Variants in NBAS observed in about 807,000 individuals in gnomAD.
The protein encoded by NBAS is NAG/BC035112 fusion.
Under a neutral mutation model 302.5 loss-of-function variants are expected in NBAS, and 219 were observed. The observed-to-expected ratio is 0.72, with a 90% CI of 0.65 to 0.81. The LOEUF (loss-of-function observed/expected upper bound fraction) is 0.81. Among genes scored for constraint, NBAS ranks in the 30% least tolerant of loss-of-function variants. NBAS has a pLI of 0.00. For missense variants in NBAS, 2,932 were observed against 2,841.6 expected, an observed-to-expected ratio of 1.03 and a Z score of -0.72; for synonymous variants, 1,118 against 1,021.6, an observed-to-expected ratio of 1.09 and a Z score of -1.80.
At chr2:14,930,573 ACCC>A in the NBAS span, among the ~76,000 whole-genome samples, 1 of 152,152 alleles carries the variant, frequency 6.6e-6, no homozygotes, top group Non-Finnish European at 1.5e-5. Context: ...TTCTGCTTAC[ACCC>A]TCCTGAGTCT....
chr2:15,194,328 T>C lies in NBAS; in HGVS notation c.6433-3925A>G, dbSNP rs559230602. ...AAAGCAGACAGAACAACGTTACCTA[T>C]AGGAGAACATTAATGTGAATAATAA... On this transcript the variant is annotated intron_variant, in intron 48 of 51. Transcript: ENST00000281513. Among the ~76,000 whole-genome samples the C allele has an allele frequency of 2.0e-5, 3 of 152,128 alleles. No individual in the cohort carries two copies. In the South Asian group the frequency reaches 6.2e-4, roughly 32 times the overall value.
At chr2:15,165,997 G>A (rs1664010882), downstream of NBAS, among the ~76,000 whole-genome samples, 1 of 152,192 alleles carries the variant, frequency 6.6e-6, no homozygotes, top group South Asian at 2.1e-4. Context: ...TGTAGGTGTG[G>A]ATGCTCTCCC....
rs758683419 is a variant in NBAS, at chr2:15,475,730, G to A, written c.1298C>T (p.Pro433Leu). The change falls in exon 14 of 52, where the codon CCT becomes CTT. Residue 433 changes from proline (P) to leucine (L), a missense_variant. Pro to Leu is a moderately conservative substitution (Grantham distance 98, BLOSUM62 -3). Transcript: ENST00000281513. ...CCCATCATGGGTAGCAGTGACTTGA[G>A]GTGATGGTTCAAACCATTCACAGGA... ...GKSCEWFEPSPQVTATHDGGF... is the reference protein window; with the variant it reads ...GKSCEWFEPSLQVTATHDGGF... 6.2e-7 allele frequency: 1 copy of A among 1,614,096 alleles called. No individual in the cohort carries two copies. The highest frequency in any genetic ancestry group is 8.5e-7 in the Non-Finnish European group (1 of 1,179,982).
At chr2:14,798,080 CTA>C in the NBAS span, among the ~76,000 whole-genome samples, 5 of 152,042 alleles carry the variant, frequency 3.3e-5, no homozygotes, top group Admixed American at 6.6e-5. Flanking sequence ...CTCAAATATG[CTA>C]TGTTTCTTTG....
chr2:15,075,768 C>CACACAT, the NBAS span, among the ~76,000 whole-genome samples: 1 of 151,958 alleles, frequency 6.6e-6, no homozygotes, highest in African/African-American at 2.4e-5. Context: ...TATACACACA[C>CACACAT]ACACACACAC....
chr2:15,429,789 T>C (rs2148488870), intron 21 of NBAS, among the ~76,000 whole-genome samples: 1 of 152,318 alleles, frequency 6.6e-6, no homozygotes, highest in East Asian at 1.9e-4. Flanking sequence ...TAATTTTAAA[T>C]TTCTGAATCA....
chr2:14,962,151 T>C, the NBAS span, among the ~76,000 whole-genome samples: 2 of 152,200 alleles, frequency 1.3e-5, no homozygotes, highest in African/African-American at 2.4e-5. Flanking sequence ...ATACTGTGGA[T>C]ATTTTTCTTC....
At chr2:14,987,827 T>C in the NBAS span, among the ~76,000 whole-genome samples, 1 of 152,210 alleles carries the variant, frequency 6.6e-6, no homozygotes, top group East Asian at 1.9e-4. Context: ...CGTAGGGAAA[T>C]ATTTAAATAT....
the NBAS span, among the ~76,000 whole-genome samples, chr2:14,835,751 G>A: frequency 1.3e-5 from 2 of 151,930 alleles, no homozygotes; most frequent in Middle Eastern, 3.2e-3. Flanking sequence ...GTTGCTTCAA[G>A]TTTGGGGCCA....
At chr2:15,114,112 A>G in the NBAS span, among the ~76,000 whole-genome samples, 1 of 152,208 alleles carries the variant, frequency 6.6e-6, no homozygotes, top group Non-Finnish European at 1.5e-5. Flanking sequence ...TATGACAAAT[A>G]ATCTAGCCTC....
chr2:15,390,244 TCCATC>T (rs898789356), intron 28 of NBAS, among the ~76,000 whole-genome samples: 2 of 152,174 alleles, frequency 1.3e-5, no homozygotes, highest in African/African-American at 4.8e-5. Flanking sequence ...GAGCTCTTCC[TCCATC>T]CCAACTGCAA....
chr2:15,366,728 G>C (rs982562249), intron 31 of NBAS, 35 bp from the exon 32 acceptor site: 5 of 1,593,432 alleles, frequency 3.1e-6, no homozygotes, highest in Admixed American at 1.7e-5. Context: ...ACTTGGACCA[G>C]GGACATCACA....
At chr2:15,298,642 T>C (rs1008077865) in intron 40 of NBAS, among the ~76,000 whole-genome samples, 2 of 152,192 alleles carry the variant, frequency 1.3e-5, no homozygotes, top group Non-Finnish European at 2.9e-5. Context: ...ATATTCAAAT[T>C]AAATTTGAGT....
chr2:15,393,736 A>T (rs1208461512), intron 28 of NBAS: 1 of 470,632 alleles, frequency 2.1e-6, no homozygotes, highest in Non-Finnish European at 4.4e-6. Context: ...GGCTGTGAAA[A>T]ATCCATACAA....
intron 51 of NBAS, chr2:15,178,069 T>C: frequency 2.2e-6 from 1 of 447,808 alleles, no homozygotes; most frequent in South Asian, 1.7e-5. Flanking sequence ...ATCAGTGATG[T>C]CTTTTCATCA....
intron 11 of NBAS, 50 bp downstream of exon 11, chr2:15,504,095 A>C (rs1661717525): frequency 2.7e-6 from 4 of 1,463,864 alleles, no homozygotes; most frequent in Non-Finnish European, 3.8e-6. Context: ...AAGGTACTTC[A>C]GGGTAAAAAT....
chr2:15,124,594 G>C, the NBAS span, among the ~76,000 whole-genome samples: 1 of 152,206 alleles, frequency 6.6e-6, no homozygotes, highest in African/African-American at 2.4e-5. Context: ...CACAAGTCCA[G>C]AGGCCTAGGA....
At chr2:15,332,332 C>T (rs1672390726) in intron 35 of NBAS, among the ~76,000 whole-genome samples, 1 of 152,142 alleles carries the variant, frequency 6.6e-6, no homozygotes, top group Non-Finnish European at 1.5e-5. Flanking sequence ...AAATAATCAA[C>T]TGTATTGTTC....
chr2:15,485,783 T>C (rs1252339834), intron 12 of NBAS, among the ~76,000 whole-genome samples: 1 of 152,126 alleles, frequency 6.6e-6, no homozygotes, highest in Non-Finnish European at 1.5e-5. Context: ...CAGAAATGGT[T>C]ACATGAAAGT....
Sources: gnomAD v4.1 joint callset for allele counts (sites outside exome capture counted in the v4.1 genomes callset) on GRCh38, gnomAD v4.1.1 for gene constraint, MANE v1.5 for transcripts, NCBI Gene and HGNC (gene_info 2026-07-23, HGNC 2026-07-21) for gene names.